Variants in ATP2C1 observed in about 807,000 individuals in gnomAD.
ATP2C1 encodes the protein ATPase secretory pathway Ca2+ transporting 1.
In ATP2C1, 31 loss-of-function variants were observed where a neutral mutation model predicts 120.5. The ratio of observed to expected loss-of-function variants is 0.26; its 90% CI spans 0.19 to 0.35. The LOEUF is 0.35. Among genes scored for constraint, ATP2C1 ranks in the 10% least tolerant of loss-of-function variants. The pLI is 1.00. For synonymous variants in ATP2C1, 351 were observed against 358.7 expected, an observed-to-expected ratio of 0.98 and a Z score of 0.24; for missense variants, 731 against 1,107.5, an observed-to-expected ratio of 0.66 and a Z score of 4.83.
In ATP2C1 at chr3:131,014,119, G is replaced by A. The variant is rs76645523; in HGVS notation, c.2630-2033G>A. The A allele has an allele frequency of 2.9e-4, 460 of 1,611,266 alleles. 1 individual carries two copies. The African/African-American group carries it at 5.1e-3, about 18-fold the overall frequency. ...TTTTCAACCATTAACAACCCAAACC[G>A]GTTGTTTCCCTCATACCAACACTTG... On this transcript the variant is annotated intron_variant, in intron 26 of 26. Transcript: ENST00000328560.
downstream of ATP2C1, among the ~76,000 whole-genome samples, chr3:131,003,846 A>G (rs2063000186): frequency 6.6e-6 from 1 of 152,256 alleles, no homozygotes; most frequent in Non-Finnish European, 1.5e-5. Flanking sequence ...ACACTTAAAA[A>G]TAGTTTCTCA....
intron 22 of ATP2C1, 54 bp from the exon 23 acceptor site, chr3:130,995,989 T>A (rs764833698): frequency 3.5e-6 from 4 of 1,149,518 alleles, no homozygotes; most frequent in Non-Finnish European, 3.9e-6. Flanking sequence ...TTAGTATAGA[T>A]ACATTTTTGT....
downstream of ATP2C1, among the ~76,000 whole-genome samples, chr3:131,004,063 AG>A (rs1344884743): frequency 5.3e-5 from 8 of 152,292 alleles, no homozygotes; most frequent in East Asian, 1.5e-3. Flanking sequence ...CCTGCCCTGT[AG>A]GAGCCCATGA....
At chr3:130,965,133 C>T (rs2060995790) in intron 14 of ATP2C1, 88 bp downstream of exon 14, 1 of 875,372 alleles carries the variant, frequency 1.1e-6, no homozygotes, top group Non-Finnish European at 1.9e-6. Context: ...CAGTGTCTTA[C>T]CTTCAAAAGG....
chr3:130,956,043 C>A, intron 10 of ATP2C1, 61 bp from the exon 11 acceptor site: 2 of 1,137,594 alleles, frequency 1.8e-6, no homozygotes, highest in Non-Finnish European at 2.7e-6. Flanking sequence ...AAGCCCCTGG[C>A]ACTTGATAAA....
At chr3:131,004,573 C>G (rs1437096983), downstream of ATP2C1, among the ~76,000 whole-genome samples, 1 of 152,126 alleles carries the variant, frequency 6.6e-6, no homozygotes, top group African/African-American at 2.4e-5. Context: ...GTTCTGGAGA[C>G]CAATGTGAAA....
intron 1 of ATP2C1, among the ~76,000 whole-genome samples, chr3:130,873,788 G>A (rs1004804181): frequency 1.3e-5 from 2 of 151,890 alleles, no homozygotes; most frequent in South Asian, 2.1e-4. Context: ...TTCCATAGTC[G>A]AATCTGTCAC....
intron 2 of ATP2C1, among the ~76,000 whole-genome samples, chr3:130,902,066 A>G (rs1412608425): frequency 1.3e-5 from 2 of 151,994 alleles, no homozygotes; most frequent in East Asian, 3.9e-4. Flanking sequence ...CACTGTTCTA[A>G]CAAACGGCAA....
intron 17 of ATP2C1, among the ~76,000 whole-genome samples, chr3:130,974,990 T>C (rs2061480161): frequency 6.6e-6 from 1 of 152,196 alleles, no homozygotes; most frequent in Non-Finnish European, 1.5e-5. Flanking sequence ...TAGACGTATA[T>C]AGTAGCTAAT....
Position 130,953,895 on chromosome 3 carries a change from G to C in ATP2C1, c.606G>C (p.Gln202His). ...TTPCSKVTAPQPAATNGDLAS... is the reference protein window; with the variant it reads ...TTPCSKVTAPHPAATNGDLAS... The stretch of plus-strand genomic sequence containing the variant: ...CTTGTTCTAAGGTGACAGCTCCTCA[G>C]CCAGCTGCAACTAATGGAGATCTTG... The change falls in exon 9 of 28, where the codon CAG (glutamine) becomes CAC (histidine). Residue 202 changes from glutamine (Q) to histidine (H), a missense_variant. By Grantham distance (24) the Gln-to-His change is conservative. Around this residue, in one of 3 missense-constraint regions of ATP2C1, gnomAD observed 571 missense variants for 845.9 expected, o/e 0.67. Coordinates refer to ENST00000510168, the MANE Select transcript of ATP2C1 (RefSeq NM_001378687.1). 1 of 1,614,036 alleles carries C rather than the reference G, an allele frequency of 6.2e-7. No individual in the cohort carries two copies. Among genetic ancestry groups the C allele is most frequent in the Non-Finnish European group, 8.5e-7 (1 of 1,179,954 alleles).
At chr3:130,922,732 A>G (rs2059024659) in intron 2 of ATP2C1, among the ~76,000 whole-genome samples, 1 of 152,182 alleles carries the variant, frequency 6.6e-6, no homozygotes, top group Non-Finnish European at 1.5e-5. Flanking sequence ...CATTCAAGAG[A>G]AGATTATTTA....
chr3:130,980,403 A>T (rs1450066941), intron 19 of ATP2C1, among the ~76,000 whole-genome samples, 179 bp from the exon 20 acceptor site: 2 of 152,118 alleles, frequency 1.3e-5, no homozygotes, highest in Admixed American at 1.3e-4. Context: ...TCTTAAATTT[A>T]AACAAAAATG....
In ATP2C1 at chr3:130,980,568, C is replaced by T. The variant is rs763957650; in HGVS notation, c.1742-14C>T. 5.6e-6 allele frequency: 9 copies of T among 1,600,946 alleles called. No individual in the cohort carries two copies. The highest frequency in any genetic ancestry group is 5.4e-5 in the African/African-American group (4 of 74,622). ...CAATTTGGTTTATTACATTTTCTCT[C>T]TCATTTGCTTTAGCCAGTCGTCTGG... On this transcript the variant is annotated splice_polypyrimidine_tract_variant and intron_variant, in intron 19 of 27. Coordinates refer to ENST00000510168, the MANE Select transcript of ATP2C1 (RefSeq NM_001378687.1).
At chr3:130,911,704 C>T (rs1203253651) in intron 2 of ATP2C1, among the ~76,000 whole-genome samples, 2 of 152,034 alleles carry the variant, frequency 1.3e-5, no homozygotes, top group African/African-American at 4.8e-5. Flanking sequence ...TCAGTGCCAT[C>T]CCCATCAAGC....
chr3:131,009,944 T>C (rs1158760214), intron 26 of ATP2C1, among the ~76,000 whole-genome samples: 1 of 152,084 alleles, frequency 6.6e-6, no homozygotes, highest in East Asian at 1.9e-4. Context: ...GTTTATCCTT[T>C]TATGGAACTT....
chr3:130,853,840 T>G (rs1339450836), intron 1 of ATP2C1, among the ~76,000 whole-genome samples: 2 of 152,166 alleles, frequency 1.3e-5, no homozygotes, highest in Non-Finnish European at 2.9e-5. Flanking sequence ...GATACTGGTG[T>G]AAAGGTGACC....
intron 7 of ATP2C1, among the ~76,000 whole-genome samples, chr3:130,941,355 A>T (rs553009029): frequency 6.6e-6 from 1 of 152,296 alleles, no homozygotes; most frequent in South Asian, 2.1e-4. Context: ...ATTCACAATC[A>T]AACAGACCCA....
chr3:130,897,739 C>G (rs2069760406), intron 2 of ATP2C1, among the ~76,000 whole-genome samples: 1 of 152,162 alleles, frequency 6.6e-6, no homozygotes, highest in Non-Finnish European at 1.5e-5. Flanking sequence ...CCCATTTAAA[C>G]TTTCTCAGCA....
At position 130,922,778 on chromosome 3, in the gene ATP2C1, T is replaced by G. The variant is rs183296867; in HGVS notation, c.7-7638T>G. On this transcript the variant is annotated intron_variant, in intron 2 of 27. Transcript: ENST00000510168. Reference sequence around the variant, plus strand: ...ATTTATGTAGTTTTGAGGGTTCCTCTTGGAGTTAATCTCCAGTTTTATTCC... The same window carrying G: ...ATTTATGTAGTTTTGAGGGTTCCTCGTGGAGTTAATCTCCAGTTTTATTCC... 2.3e-3 allele frequency among the ~76,000 whole-genome samples: 349 copies of G among 152,384 alleles called. 2 individuals carry two copies. The highest frequency in any genetic ancestry group is 4.1e-3 in the Non-Finnish European group (282 of 68,036).
Sources: allele counts gnomAD v4.1 joint callset (sites outside exome capture counted in the v4.1 genomes callset), GRCh38; gene constraint gnomAD v4.1.1; regional missense constraint gnomAD v4.1.1; transcripts MANE v1.5; gene names NCBI Gene and HGNC (gene_info 2026-07-23, HGNC 2026-07-21).